The following CALD1 variants were observed in gnomAD, a reference collection of about 807,000 sequenced individuals.
CALD1 encodes the protein caldesmon.
In CALD1, 33 loss-of-function variants were observed where a neutral mutation model predicts 99.9. That is an observed-to-expected ratio of 0.33 (90% CI 0.25 to 0.44). The LOEUF is 0.44. CALD1 is among the 20% of genes least tolerant of loss of function. The probability of loss-of-function intolerance (pLI) is 1.00; values close to 1 mark genes in which losing one functional copy is unlikely to be tolerated. For missense variants in CALD1, 861 were observed against 962.1 expected (o/e 0.89, Z 1.39); for synonymous variants, 310 against 325.0 (o/e 0.95, Z 0.50).
intron 6 of CALD1, among the ~76,000 whole-genome samples, chr7:134,940,551 C>T (rs920798413): frequency 5.3e-5 from 8 of 152,190 alleles, no homozygotes; most frequent in Non-Finnish European, 1.0e-4. Context: ...TAGTAAATGT[C>T]CCATCCTTGG....
At chr7:134,921,320 TA>T (rs1443927013) in intron 3 of CALD1, among the ~76,000 whole-genome samples, 1 of 152,250 alleles carries the variant, frequency 6.6e-6, no homozygotes, top group Non-Finnish European at 1.5e-5. Context: ...AACAAAAGTA[TA>T]AGCAATTGTC....
At chr7:134,896,032 C>T (rs1416947790) in intron 3 of CALD1, among the ~76,000 whole-genome samples, 5 of 152,176 alleles carry the variant, frequency 3.3e-5, no homozygotes, top group Non-Finnish European at 7.3e-5. Context: ...TTCTAACCAT[C>T]CTTCCCGCCA....
chr7:134,829,846 C>G (rs1026950825), intron 1 of CALD1, among the ~76,000 whole-genome samples: 1 of 152,052 alleles, frequency 6.6e-6, no homozygotes, highest in Non-Finnish European at 1.5e-5. Context: ...TGAGTGACAG[C>G]AACAATAATG....
In CALD1 at chr7:134,807,471, C is replaced by T. The variant is rs553350804; in HGVS notation, c.-130+27722C>T. Among the ~76,000 whole-genome samples the T allele has an allele frequency of 1.1e-3, 173 of 152,304 alleles. 1 individual carries two copies. Among genetic ancestry groups the T allele is most frequent in the African/African-American group, 3.6e-3 (151 of 41,558 alleles). On this transcript the variant is annotated intron_variant, in intron 1 of 14. Transcript: ENST00000361675. ...ACTCAAGAAGGATAAATTGCTCCTA[C>T]CCTCACCCCACTCCCCCAGGCTAGA...
At chr7:134,797,869 G>A (rs1425717487) in intron 1 of CALD1, among the ~76,000 whole-genome samples, 1 of 152,164 alleles carries the variant, frequency 6.6e-6, no homozygotes, top group Non-Finnish European at 1.5e-5. Flanking sequence ...TTGGATTACA[G>A]GCGTGAGCCA....
At chr7:134,748,067 G>C (rs1230871238) in intron 1 of CALD1, among the ~76,000 whole-genome samples, 1 of 152,252 alleles carries the variant, frequency 6.6e-6, no homozygotes, top group African/African-American at 2.4e-5. Flanking sequence ...GGGTCTGCAA[G>C]GCAGGACCTC....
chr7:134,866,006 A>G (rs1800786060), intron 2 of CALD1, among the ~76,000 whole-genome samples: 1 of 152,176 alleles, frequency 6.6e-6, no homozygotes, highest in South Asian at 2.1e-4. Context: ...GGCACTTTAT[A>G]TGCAACAAAA....
chr7:134,841,762 C>A (rs1367681938), intron 1 of CALD1, among the ~76,000 whole-genome samples: 1 of 152,320 alleles, frequency 6.6e-6, no homozygotes, highest in African/African-American at 2.4e-5. Flanking sequence ...GTGTCCAGCA[C>A]ATCTTTCAGC....
chr7:134,902,611 C>T (rs993632268), intron 3 of CALD1, among the ~76,000 whole-genome samples: 1 of 152,026 alleles, frequency 6.6e-6, no homozygotes, highest in Non-Finnish European at 1.5e-5. Context: ...TCCAAGATCC[C>T]CAGATACCAG....
Position 134,842,673 on chromosome 7 carries a change from C to A in CALD1, c.-129-1211C>A, listed in dbSNP as rs1161092478. 2.0e-5 allele frequency among the ~76,000 whole-genome samples: 3 copies of A among 152,164 alleles called. No homozygotes were observed. The East Asian group carries it at 5.8e-4, about 29-fold the overall frequency. On this transcript the variant is annotated intron_variant, in intron 1 of 14. Coordinates refer to ENST00000361675, the MANE Select transcript of CALD1 (RefSeq NM_033138.4). ...TCATCTCACCCTCTGCTCTTAGTAT[C>A]CATTTGGAAAATGCCATCTTTCTGA...
intron 1 of CALD1, among the ~76,000 whole-genome samples, chr7:134,744,738 C>T (rs1796620446): frequency 1.3e-5 from 2 of 152,076 alleles, no homozygotes; most frequent in South Asian, 4.2e-4. Flanking sequence ...GGAGCCTCAT[C>T]CTTTCCTTAG....
At chr7:134,860,371 G>A (rs890112930) in intron 2 of CALD1, among the ~76,000 whole-genome samples, 15 of 152,152 alleles carry the variant, frequency 9.9e-5, no homozygotes, top group South Asian at 4.1e-4. Flanking sequence ...TGGTACAGTC[G>A]GAAAGAAAGT....
chr7:134,870,976 A>G (rs756452808), intron 3 of CALD1, among the ~76,000 whole-genome samples: 1 of 152,162 alleles, frequency 6.6e-6, no homozygotes, highest in Non-Finnish European at 1.5e-5. Flanking sequence ...TGCAGGAAAC[A>G]GGTGGCCAGA....
intron 1 of CALD1, among the ~76,000 whole-genome samples, chr7:134,748,220 A>G (rs1796652698): frequency 6.6e-6 from 1 of 152,222 alleles, no homozygotes; most frequent in African/African-American, 2.4e-5. Context: ...TGCCTGTCCC[A>G]TCGTTTTATT....
chr7:134,940,934 T>TCTAAGAATTTCAC (rs1161471691), intron 6 of CALD1, among the ~76,000 whole-genome samples, 158 bp from the exon 7 acceptor site: 1 of 152,348 alleles, frequency 6.6e-6, no homozygotes, highest in African/African-American at 2.4e-5. Context: ...TAGCTCATTC[T>TCTAAGAATTTCAC]CTAAGAATTT....
At chr7:134,939,802 A>C (rs928811403) in intron 6 of CALD1, among the ~76,000 whole-genome samples, 2 of 151,976 alleles carry the variant, frequency 1.3e-5, no homozygotes, top group East Asian at 3.9e-4. Flanking sequence ...TTCTCTACTA[A>C]AAAATACAAA....
chr7:134,900,608 G>A (rs996182991), intron 3 of CALD1, among the ~76,000 whole-genome samples: 7 of 152,070 alleles, frequency 4.6e-5, no homozygotes, highest in African/African-American at 1.7e-4. Flanking sequence ...GGCCCGATAT[G>A]CTGATTCCCA....
chr7:134,806,331 C>T (rs75118647), intron 1 of CALD1, among the ~76,000 whole-genome samples: 1 of 152,210 alleles, frequency 6.6e-6, no homozygotes, highest in East Asian at 1.9e-4. Flanking sequence ...TTAGCTTCCT[C>T]ATTAGTAGGC....
intron 3 of CALD1, among the ~76,000 whole-genome samples, chr7:134,915,440 A>G (rs1286902888): frequency 6.6e-6 from 1 of 152,226 alleles, no homozygotes; most frequent in African/African-American, 2.4e-5. Flanking sequence ...TTAGGTAACA[A>G]GTTTAAGGAA....
Sources: gnomAD v4.1 joint callset for allele counts (sites outside exome capture counted in the v4.1 genomes callset) on GRCh38, gnomAD v4.1.1 for gene constraint, MANE v1.5 for transcripts, NCBI Gene and HGNC (gene_info 2026-07-23, HGNC 2026-07-21) for gene names.